The following GRID1 variants were observed in gnomAD, a reference collection of about 807,000 sequenced individuals.
GRID1 encodes glutamate ionotropic receptor delta type subunit 1.
GRID1 carries 28 observed loss-of-function variants against 98.0 expected under a neutral mutation model. The ratio of observed to expected loss-of-function variants is 0.29; its 90% confidence interval spans 0.21 to 0.39. The LOEUF is 0.39. GRID1 is among the 10% of genes least tolerant of loss of function. The probability of loss-of-function intolerance (pLI) is 1.00; values close to 1 mark genes in which losing one functional copy is unlikely to be tolerated. For missense variants in GRID1, 1,111 were observed against 1,340.5 expected (o/e 0.83, Z 2.67); for synonymous variants, 553 against 538.5 (o/e 1.03, Z -0.37).
intron 12 of GRID1, among the ~76,000 whole-genome samples, chr10:85,693,289 C>G (rs1003538402): frequency 1.3e-5 from 2 of 152,000 alleles, no homozygotes; most frequent in African/African-American, 4.8e-5. Flanking sequence ...TCTGCTTAGT[C>G]AATAAAATAT....
intron 4 of GRID1, among the ~76,000 whole-genome samples, chr10:85,985,612 C>T (rs1842599975): frequency 6.6e-6 from 1 of 152,206 alleles, no homozygotes; most frequent in South Asian, 2.1e-4. Context: ...AGGATGGCCT[C>T]TCAGTGCCTA....
At chr10:85,857,044 G>C (rs73338595) in intron 6 of GRID1, among the ~76,000 whole-genome samples, 2 of 152,082 alleles carry the variant, frequency 1.3e-5, no homozygotes, top group Middle Eastern at 3.2e-3. Flanking sequence ...CACTCTGGTC[G>C]CCGGACACGC....
intron 2 of GRID1, among the ~76,000 whole-genome samples, chr10:86,306,392 T>A (rs1020869507): frequency 6.6e-6 from 1 of 152,180 alleles, no homozygotes; most frequent in African/African-American, 2.4e-5. Context: ...CCCCAATAGC[T>A]TCCTCCCAGT....
intron 2 of GRID1, among the ~76,000 whole-genome samples, chr10:86,309,828 T>C (rs1847808150): frequency 6.6e-6 from 1 of 152,184 alleles, no homozygotes; most frequent in African/African-American, 2.4e-5. Context: ...AAGTCCCTCC[T>C]CCTACAAAGC....
chr10:86,178,144 T>A (rs1293920214), intron 3 of GRID1, among the ~76,000 whole-genome samples: 3 of 152,188 alleles, frequency 2.0e-5, no homozygotes, highest in Non-Finnish European at 2.9e-5. Flanking sequence ...GTTCCCCAAG[T>A]GACAAAATCT....
chr10:85,842,269 T>C (rs1401432642), intron 8 of GRID1, among the ~76,000 whole-genome samples: 1 of 151,990 alleles, frequency 6.6e-6, no homozygotes, highest in Non-Finnish European at 1.5e-5. Context: ...AGTCAAATGA[T>C]GAGAACACAT....
intron 12 of GRID1, among the ~76,000 whole-genome samples, chr10:85,654,113 G>A (rs1182562606): frequency 2.0e-5 from 3 of 152,134 alleles, no homozygotes; most frequent in Admixed American, 6.5e-5. Flanking sequence ...GCAGGAAAAT[G>A]CACGCTTCCA....
intron 12 of GRID1, among the ~76,000 whole-genome samples, chr10:85,665,847 G>A (rs1841014227): frequency 6.6e-6 from 1 of 152,076 alleles, no homozygotes; most frequent in Non-Finnish European, 1.5e-5. Context: ...GAGCTCTTGG[G>A]GTGATGACTG....
chr10:86,336,851 T>TTA (rs1848228917), intron 2 of GRID1, among the ~76,000 whole-genome samples: 1 of 150,946 alleles, frequency 6.6e-6, no homozygotes. Flanking sequence ...GCCCACTATT[T>TTA]TTTTTTTTTT....
chr10:86,141,282 C>T (rs1265985407), intron 3 of GRID1, among the ~76,000 whole-genome samples: 1 of 152,220 alleles, frequency 6.6e-6, no homozygotes, highest in East Asian at 1.9e-4. Flanking sequence ...CAGTCTCCAT[C>T]AGTCTGTTCA....
In GRID1 at chr10:86,104,262, T is replaced by C. The variant is rs115537800; in HGVS notation, c.726+34557A>G. Among the ~76,000 whole-genome samples, 1,108 of 152,260 alleles carry C rather than the reference T, an allele frequency of 7.3e-3. 11 individuals carry two copies. The highest frequency in any genetic ancestry group is 0.023 in the African/African-American group (962 of 41,558). ...GCCCAGCTCAGAGCTCAGGGTGCAG[T>C]TGGGACCCCAGACCCAACCACGCCT... On this transcript the variant is annotated intron_variant, in intron 4 of 15. Coordinates refer to ENST00000327946, the MANE Select transcript of GRID1 (RefSeq NM_017551.3).
chr10:85,973,801 C>T (rs1033434045), intron 4 of GRID1, among the ~76,000 whole-genome samples: 1 of 152,162 alleles, frequency 6.6e-6, no homozygotes, highest in African/African-American at 2.4e-5. Flanking sequence ...GATTATTCAT[C>T]TCTTATTTCT....
intron 15 of GRID1, among the ~76,000 whole-genome samples, chr10:85,611,904 C>T (rs914674232): frequency 1.3e-5 from 2 of 152,224 alleles, no homozygotes; most frequent in African/African-American, 2.4e-5. Context: ...CTATTCCTTT[C>T]AGGGCCTTTT....
Position 86,080,469 on chromosome 10 carries a change from A to G in GRID1, c.726+58350T>C, listed in dbSNP as rs149275912. On this transcript the variant is annotated intron_variant, in intron 4 of 15. Transcript: ENST00000327946. ...GAGGGGAGGGGAGGGGAGGGGAGGG[A>G]AGGGAAGGGAAGGGAAAAGGGAAAA... is the stretch of plus-strand genomic sequence containing the variant. Among the ~76,000 whole-genome samples the G allele has an allele frequency of 4.1e-3, 268 of 65,774 alleles. 2 individuals are homozygous for G. Among genetic ancestry groups the G allele is most frequent in the Middle Eastern group, 8.8e-3 (1 of 114 alleles). The allele number at this position is 65,774 out of a possible 152,430, so 43.2% of individuals were successfully genotyped here.
rs890221254 is a variant in GRID1 at position 85,678,239 on chromosome 10, G to A, written c.1998-30842C>T. On this transcript the variant is annotated intron_variant, in intron 12 of 15. Coordinates refer to ENST00000327946, the MANE Select transcript of GRID1 (RefSeq NM_017551.3). ...AAGGGGAATGATCACCTTCCTGCTCGACAAGGTGCCCCAGGAGAAAACCTC... is the reference window on the plus strand; with the variant it reads ...AAGGGGAATGATCACCTTCCTGCTCAACAAGGTGCCCCAGGAGAAAACCTC... Among the ~76,000 whole-genome samples the A allele has an allele frequency of 5.9e-5, 9 of 152,128 alleles. No individual in the cohort carries two copies. In the South Asian group the frequency reaches 6.2e-4, roughly 11 times the overall value.
At position 86,195,058 on chromosome 10, in the gene GRID1, G is replaced by A. The variant is rs1208918153; in HGVS notation, c.520+11306C>T. ...CGTGGGCAGCAAGGAGTGCCAGAAC[G>A]CACAACCCTTGCTATGACCCGCTTC... On this transcript the variant is annotated intron_variant, in intron 3 of 15. Transcript: ENST00000327946. The surrounding 1 kb of genome is among the most constrained non-coding windows in gnomAD (Gnocchi z 4.4). Among the ~76,000 whole-genome samples, 36 of 152,040 alleles carry A rather than the reference G, an allele frequency of 2.4e-4. No homozygotes were observed. Among genetic ancestry groups the A allele is most frequent in the Admixed American group, 2.4e-3 (36 of 15,250 alleles).
chr10:86,198,890 T>TAGACCA (rs141977737), intron 3 of GRID1, among the ~76,000 whole-genome samples: 1,815 of 152,264 alleles, frequency 0.012, 31 homozygotes, highest in African/African-American at 0.036. Flanking sequence ...TGTGATCATA[T>TAGACCA]AGACCACTTA....
chr10:86,155,376 T>C (rs1845229922), intron 3 of GRID1, among the ~76,000 whole-genome samples: 1 of 152,252 alleles, frequency 6.6e-6, no homozygotes. Context: ...TCTGCCTTTT[T>C]ATTTTTTTAA....
chr10:86,116,797 C>T (rs1225736728), intron 4 of GRID1, among the ~76,000 whole-genome samples: 1 of 152,030 alleles, frequency 6.6e-6, no homozygotes, highest in African/African-American at 2.4e-5. Context: ...GAACCCAAGC[C>T]TTATTCACCT....
Sources: gnomAD v4.1 joint callset for allele counts (sites outside exome capture counted in the v4.1 genomes callset) on GRCh38, gnomAD v4.1.1 for gene constraint, Gnocchi (gnomAD v3.1) non-coding constraint, MANE v1.5 for transcripts, NCBI Gene and HGNC (gene_info 2026-07-23, HGNC 2026-07-21) for gene names.